MINK1: variants seen among roughly 807,000 people sequenced by gnomAD.
MINK1 encodes misshapen-like kinase 1.
A neutral mutation model predicts 178.4 loss-of-function variants in MINK1; 46 were observed. That is an observed-to-expected ratio of 0.26 (90% CI 0.20 to 0.33). The LOEUF (loss-of-function observed/expected upper bound fraction) is 0.33, where lower values mean the gene tolerates loss of function less well. Among genes scored for constraint, MINK1 ranks in the 10% least tolerant of loss-of-function variants. The pLI is 1.00. For missense variants in MINK1, 1,366 were observed against 1,814.9 expected, an observed-to-expected ratio of 0.75 and a Z score of 4.49; for synonymous variants, 797 against 709.7, an observed-to-expected ratio of 1.12 and a Z score of -1.96.
intron 1 of MINK1, among the ~76,000 whole-genome samples, chr17:4,838,947 C>CTT (rs149544017): frequency 8.3e-4 from 121 of 145,116 alleles, no homozygotes; most frequent in African/African-American, 2.7e-3. Context: ...AGCCTAGACT[C>CTT]TTTTTTTTTT....
intron 1 of MINK1, among the ~76,000 whole-genome samples, chr17:4,867,839 A>G (rs1239060249): frequency 6.6e-6 from 1 of 152,150 alleles, no homozygotes; most frequent in African/African-American, 2.4e-5. Context: ...GAATTGATAC[A>G]TAATTATACA....
chr17:4,896,172 C>T lies in MINK1; in HGVS notation c.3466-21C>T. ...CCTCTCCCCGTGCCCCTGAGCCCTCCTCTCCTCCGGTTCTCTGCAGTCCTT... is the reference window on the plus strand; with the variant it reads ...CCTCTCCCCGTGCCCCTGAGCCCTCTTCTCCTCCGGTTCTCTGCAGTCCTT... On this transcript the variant is annotated intron_variant, in intron 28 of 31. Transcript: ENST00000355280. The surrounding 1 kb of genome is among the most constrained non-coding windows in gnomAD (Gnocchi z 4.6). 1 of 1,600,914 alleles carries T rather than the reference C, an allele frequency of 6.2e-7. No homozygotes were observed. Among genetic ancestry groups the T allele is most frequent in the Non-Finnish European group, 8.5e-7 (1 of 1,172,902 alleles).
intron 1 of MINK1, among the ~76,000 whole-genome samples, chr17:4,853,426 AGGGGGAGTGTGGTTGGTG>A (rs1443583185): frequency 0.01 from 123 of 12,274 alleles, no homozygotes; most frequent in African/African-American, 0.042. Context: ...AGTGTGGTTG[AGGGGGAGTGTGGTTGGTG>A]GGGGGAGTGT....
chr17:4,839,611 G>A (rs745336293), intron 1 of MINK1, among the ~76,000 whole-genome samples: 5 of 152,128 alleles, frequency 3.3e-5, no homozygotes, highest in Admixed American at 6.6e-5. Flanking sequence ...ATTCTCCTCC[G>A]AACCAACCAG....
At position 4,833,984 on chromosome 17, in the gene MINK1, T is replaced by G. The variant is rs1219516372; in HGVS notation, c.57+344T>G. The stretch of plus-strand genomic sequence containing the variant: ...CCTGGAGAACCTTTATTGTGGTTCC[T>G]TACCTCCTTTCGGCCCTTTTCCACC... On this transcript the variant is annotated intron_variant, in intron 1 of 31. Coordinates refer to ENST00000355280, the MANE Select transcript of MINK1 (RefSeq NM_153827.5). The surrounding 1 kb of genome is among the most constrained non-coding windows in gnomAD (Gnocchi z 4.8). 6.6e-6 allele frequency among the ~76,000 whole-genome samples: 1 copy of G among 152,196 alleles called. No homozygotes were observed. The highest frequency in any genetic ancestry group is 1.5e-5 in the Non-Finnish European group (1 of 68,034).
chr17:4,886,420 CCCTCCCAGTGTGAG>C lies in MINK1; in HGVS notation c.774-28_774-15del, dbSNP rs770423971. ...CCTGCACCCATCCCTTCTGAGGGGA[CCCTCCCAGTGTGAG>C]CCACCACTGTTTCCAGGTCTAAGAA... On this transcript the variant is annotated splice_polypyrimidine_tract_variant and intron_variant, in intron 9 of 31. Coordinates refer to ENST00000355280, the MANE Select transcript of MINK1 (RefSeq NM_153827.5). This position sits in a 1 kb window ranked among gnomAD's most constrained non-coding sequence, Gnocchi z 6.1. 1 of 1,581,422 alleles carries C rather than the reference CCCTCCCAGTGTGAG, an allele frequency of 6.3e-7. No individual in the cohort carries two copies.
rs1192599208 is a variant in MINK1 at position 4,896,379 on chromosome 17, C to T, written c.3615+37C>T. On this transcript the variant is annotated intron_variant, in intron 29 of 31. Transcript: ENST00000355280. The surrounding 1 kb of genome is among the most constrained non-coding windows in gnomAD (Gnocchi z 4.6). ...GGGGCTGCTGGGGGAGTGGGATGGC[C>T]CAGTCTGGGCACCAGACACGGAGAC... The T allele has an allele frequency of 1.9e-6, 3 of 1,606,562 alleles. No homozygotes were observed. Among genetic ancestry groups the T allele is most frequent in the Non-Finnish European group, 2.6e-6 (3 of 1,175,586 alleles).
intron 5 of MINK1, 33 bp downstream of exon 5, chr17:4,884,506 TCCGCTA>T: frequency 6.7e-7 from 1 of 1,493,456 alleles, no homozygotes; most frequent in African/African-American, 1.4e-5. Flanking sequence ...TGTCTTCTCC[TCCGCTA>T]CCCTGGCTGG....
At chr17:4,854,813 G>C (rs558700172) in intron 1 of MINK1, 1 of 480,346 alleles carries the variant, frequency 2.1e-6, no homozygotes, top group South Asian at 1.5e-5. Flanking sequence ...AAAAAGATCC[G>C]GTTGAGTTCC....
At chr17:4,870,845 TTAAAA>T (rs1206283319) in intron 1 of MINK1, among the ~76,000 whole-genome samples, 3 of 152,112 alleles carry the variant, frequency 2.0e-5, no homozygotes, top group Admixed American at 6.6e-5. Context: ...CTAACAAAAA[TTAAAA>T]TAAAATATTT....
intron 1 of MINK1, among the ~76,000 whole-genome samples, chr17:4,846,119 G>A (rs1265046120): frequency 6.6e-6 from 1 of 152,200 alleles, no homozygotes; most frequent in East Asian, 1.9e-4. Flanking sequence ...AGAGCCCCCT[G>A]TCTTAGAGGT....
At chr17:4,880,206 A>G (rs964626973) in intron 2 of MINK1, among the ~76,000 whole-genome samples, 2 of 152,068 alleles carry the variant, frequency 1.3e-5, no homozygotes, top group Non-Finnish European at 2.9e-5. Context: ...TCTGTTGGCC[A>G]TGATGGCTCA....
chr17:4,880,949 C>T, intron 2 of MINK1, 35 bp from the exon 3 acceptor site: 1 of 1,454,642 alleles, frequency 6.9e-7, no homozygotes, highest in Non-Finnish European at 9.0e-7. Context: ...ACGCTCCACC[C>T]TCTGAGCATA....
chr17:4,887,887 A>C lies in MINK1; in HGVS notation c.1230+97A>C, dbSNP rs1968367008. On this transcript the variant is annotated intron_variant, in intron 12 of 31. Coordinates refer to ENST00000355280, the MANE Select transcript of MINK1 (RefSeq NM_153827.5). This position sits in a 1 kb window ranked among gnomAD's most constrained non-coding sequence, Gnocchi z 7.6. Reference sequence around the variant, plus strand: ...GGAGAACAGGTTTTAAAATGCCTTAAATGAATGGCATTTCTGTTGAAACAA... The same window carrying C: ...GGAGAACAGGTTTTAAAATGCCTTACATGAATGGCATTTCTGTTGAAACAA... 1 of 910,614 alleles carries C rather than the reference A, an allele frequency of 1.1e-6. No homozygotes were observed. The highest frequency in any genetic ancestry group is 1.6e-6 in the Non-Finnish European group (1 of 644,434). The allele number at this position is 910,614 out of a possible 1,614,324, so 56.4% of individuals were successfully genotyped here.
chr17:4,847,048 C>T, intron 1 of MINK1: 1 of 398,836 alleles, frequency 2.5e-6, no homozygotes, highest in East Asian at 7.4e-5. Flanking sequence ...CCTGCTACTG[C>T]CCGGATCTCC....
At position 4,894,091 on chromosome 17, in the gene MINK1, C is replaced by A; in HGVS notation, c.2668C>A (p.Arg890Ser). The change falls in exon 22 of 32, where the codon CGC (arginine) becomes AGC (serine). Residue 890 changes from arginine (R) to serine (S), a missense_variant and splice_region_variant. Around this residue, in one of 14 missense-constraint regions of MINK1, gnomAD observed 709 missense variants for 692.3 expected, o/e 1.02. Coordinates refer to ENST00000355280, the MANE Select transcript of MINK1 (RefSeq NM_153827.5). This position sits in a 1 kb window ranked among gnomAD's most constrained non-coding sequence, Gnocchi z 4.1. ...PYGGGTMVVQ[R>S]TPEEERNLLH... ...CGGGGGCGGCACCATGGTGGTCCAG[C>A]GCGTGAGTGAGCCTCTGCTCCCTCC... 1.9e-6 allele frequency: 3 copies of A among 1,593,954 alleles called. No individual in the cohort carries two copies. The highest frequency in any genetic ancestry group is 2.6e-6 in the Non-Finnish European group (3 of 1,168,790).
intron 21 of MINK1, 84 bp downstream of exon 21, chr17:4,893,681 G>A (rs1319554095): frequency 1.0e-5 from 15 of 1,458,100 alleles, no homozygotes; most frequent in South Asian, 1.0e-4. Flanking sequence ...GGGGCTTTGG[G>A]GCAAGTCTGA....
chr17:4,838,577 A>G (rs1354726561), intron 1 of MINK1, among the ~76,000 whole-genome samples: 4 of 152,232 alleles, frequency 2.6e-5, no homozygotes, highest in South Asian at 2.1e-4. Flanking sequence ...TTTAGGGGAC[A>G]TGATGGCAGG....
rs1395240595 is a variant in MINK1 at position 4,896,383 on chromosome 17, T to C, written c.3615+41T>C. The C allele has an allele frequency of 1.2e-6, 2 of 1,607,688 alleles. No homozygotes were observed. The highest frequency in any genetic ancestry group is 2.7e-5 in the African/African-American group (2 of 74,794). ...CTGCTGGGGGAGTGGGATGGCCCAG[T>C]CTGGGCACCAGACACGGAGACTCTA... is the stretch of plus-strand genomic sequence containing the variant. On this transcript the variant is annotated intron_variant, in intron 29 of 31. Transcript: ENST00000355280. The surrounding 1 kb of genome is among the most constrained non-coding windows in gnomAD (Gnocchi z 4.6).
Sources: allele counts gnomAD v4.1 joint callset (sites outside exome capture counted in the v4.1 genomes callset), GRCh38; gene constraint gnomAD v4.1.1; regional missense constraint gnomAD v4.1.1; non-coding constraint Gnocchi (gnomAD v3.1); transcripts MANE v1.5; gene names NCBI Gene and HGNC (gene_info 2026-07-23, HGNC 2026-07-21).